ZNF721: variants seen among roughly 807,000 people sequenced by gnomAD.
ZNF721 encodes the protein zinc finger protein 721.
In ZNF721, 2 loss-of-function variants were observed where a neutral mutation model predicts 2.4. The observed-to-expected ratio is 0.82, with a 90% CI of 0.34 to 2.58. The LOEUF (loss-of-function observed/expected upper bound fraction) is 2.58, where lower values mean the gene tolerates loss of function less well. ZNF721 is among the 30% of genes most tolerant of loss of function. The pLI is 0.11. For missense variants in ZNF721, 1,187 were observed against 1,085.5 expected (o/e 1.09, Z -1.31); for synonymous variants, 398 against 381.8 (o/e 1.04, Z -0.50).
intron 2 of ZNF721, among the ~76,000 whole-genome samples, chr4:449,725 C>T (rs1576954517): frequency 1.3e-5 from 2 of 151,984 alleles, no homozygotes; most frequent in South Asian, 4.2e-4. Context: ...ACAAAAATAC[C>T]ACAATTTGAA....
At chr4:449,192 T>C (rs1248317910) in intron 2 of ZNF721, among the ~76,000 whole-genome samples, 3 of 152,142 alleles carry the variant, frequency 2.0e-5, no homozygotes, top group Admixed American at 2.0e-4. Context: ...TTTAAAAATA[T>C]ATGATTGTAA....
intron 2 of ZNF721, among the ~76,000 whole-genome samples, chr4:458,008 G>A (rs1553865591): frequency 6.6e-6 from 1 of 152,174 alleles, no homozygotes; most frequent in African/African-American, 2.4e-5. Flanking sequence ...GCAGCCCTAT[G>A]AATCAGTTCC....
chr4:469,951 G>A (rs1262345720), intron 2 of ZNF721, among the ~76,000 whole-genome samples: 1 of 151,974 alleles, frequency 6.6e-6, no homozygotes, highest in African/African-American at 2.4e-5. Context: ...GCGCCATCTC[G>A]GCTCACTGCA....
chr4:476,967 G>T (rs1172349610), intron 1 of ZNF721, among the ~76,000 whole-genome samples: 1 of 152,102 alleles, frequency 6.6e-6, no homozygotes, highest in African/African-American at 2.4e-5. Flanking sequence ...GTGCCACCTG[G>T]TTCCAATTCT....
Position 460,172 on chromosome 4 carries a change from A to T in ZNF721, c.34+12403T>A, listed in dbSNP as rs538131917. 4.6e-5 allele frequency among the ~76,000 whole-genome samples: 7 copies of T among 152,312 alleles called. No individual in the cohort carries two copies. The East Asian group carries it at 9.6e-4, about 21-fold the overall frequency. Reference sequence around the variant, plus strand: ...CTCGGCACCACATCGCACTTAATCTAAAGTTGACCACATAACTGGAAGTAA... The same window carrying T: ...CTCGGCACCACATCGCACTTAATCTTAAGTTGACCACATAACTGGAAGTAA... On this transcript the variant is annotated intron_variant, in intron 2 of 2. Transcript: ENST00000511833.
chr4:463,312 T>G (rs1715127660), intron 2 of ZNF721, among the ~76,000 whole-genome samples: 1 of 152,046 alleles, frequency 6.6e-6, no homozygotes, highest in Non-Finnish European at 1.5e-5. Context: ...TTGGTGGGAG[T>G]GTAAGTTAGT....
chr4:498,721 A>ATT (rs1576980625), intron 1 of ZNF721, among the ~76,000 whole-genome samples: 2 of 131,782 alleles, frequency 1.5e-5, no homozygotes, highest in Non-Finnish European at 3.4e-5. Context: ...ATTGGGTTGA[A>ATT]TTTTCTTTTT....
intron 2 of ZNF721, chr4:454,179 A>C (rs1454443325): frequency 3.9e-5 from 6 of 152,238 alleles, no homozygotes; most frequent in African/African-American, 1.4e-4. Context: ...GGATATGTGG[A>C]TACTACGGGT....
chr4:456,305 G>A (rs1431378601), intron 2 of ZNF721, among the ~76,000 whole-genome samples: 6 of 152,014 alleles, frequency 3.9e-5, no homozygotes, highest in Admixed American at 3.3e-4. Context: ...CCTGACCTCA[G>A]GTGATCCACC....
At chr4:465,988 G>A (rs941607172) in intron 2 of ZNF721, among the ~76,000 whole-genome samples, 2 of 149,554 alleles carry the variant, frequency 1.3e-5, no homozygotes, top group African/African-American at 2.5e-5. Flanking sequence ...TTTTGTTGTC[G>A]TTTTTCTTTT....
chr4:448,293 A>C (rs902596931), intron 2 of ZNF721, among the ~76,000 whole-genome samples: 1 of 152,010 alleles, frequency 6.6e-6, no homozygotes. Context: ...AAAATTAGCC[A>C]GGCATGGTGG....
chr4:473,941 G>C (rs782141374), intron 1 of ZNF721: 5 of 1,503,152 alleles, frequency 3.3e-6, no homozygotes, highest in Non-Finnish European at 3.6e-6. Context: ...GTTCTGATGA[G>C]GCCTCCCCAG....
chr4:442,601 A>G lies in ZNF721; in HGVS notation c.1866T>C (p.Phe622=), dbSNP rs1360567056. Residue 622 remains phenylalanine, a synonymous_variant, in exon 3 of 3, where the codon TTT becomes TTC. Coordinates refer to ENST00000511833, the MANE Select transcript of ZNF721 (RefSeq NM_133474.4). ...GTTGATTCAGGTCCGTGTACCATAC[A>G]AAGTCTTTGCCACACTCTTCACATT... The part of the protein sequence containing the change: ...LYKCEECGKD[F]VWYTDLNQQK... The G allele has an allele frequency of 7.4e-6, 12 of 1,613,714 alleles. No homozygotes were observed. Among genetic ancestry groups the G allele is most frequent in the Admixed American group, 1.7e-5 (1 of 59,978 alleles).
chr4:494,928 C>T (rs1188972802), intron 1 of ZNF721, among the ~76,000 whole-genome samples: 5 of 144,900 alleles, frequency 3.5e-5, no homozygotes, highest in African/African-American at 1.0e-4. Context: ...GTCTCACTGT[C>T]GCCCAGGCTG....
chr4:485,993 A>C (rs1399446032), intron 1 of ZNF721, among the ~76,000 whole-genome samples: 1 of 151,888 alleles, frequency 6.6e-6, no homozygotes, highest in Non-Finnish European at 1.5e-5. Context: ...TAAATAAATA[A>C]ATAAATAGAT....
intron 1 of ZNF721, among the ~76,000 whole-genome samples, chr4:485,910 G>A (rs1715883921): frequency 6.6e-6 from 1 of 152,138 alleles, no homozygotes; most frequent in Admixed American, 6.6e-5. Flanking sequence ...AGGAGGTAGA[G>A]GTTGCAGTGA....
In ZNF721 at chr4:442,198, C is replaced by CT; in HGVS notation, c.2268dup (p.Glu757ArgfsTer7). 6.2e-7 allele frequency: 1 copy of CT among 1,612,198 alleles called. No individual in the cohort carries two copies. On this transcript the variant is annotated frameshift_variant, in exon 3 of 3. Transcript: ENST00000511833. LOFTEE classifies it low-confidence loss of function (END_TRUNC). The stretch of plus-strand genomic sequence containing the variant: ...GACTGTTTAAACACTTTCCCACATT[C>CT]TTTACATTTGTAGAGTTTATCTCCA...
At chr4:446,544 C>T (rs996668319) in intron 2 of ZNF721, among the ~76,000 whole-genome samples, 4 of 151,896 alleles carry the variant, frequency 2.6e-5, no homozygotes, top group Non-Finnish European at 5.9e-5. Context: ...CCATGCTCTT[C>T]TACTTTTTGT....
chr4:457,509 C>T (rs183242187), intron 2 of ZNF721, among the ~76,000 whole-genome samples: 184 of 152,278 alleles, frequency 1.2e-3, no homozygotes, highest in Non-Finnish European at 1.8e-3. Context: ...GCTACTAGCA[C>T]CATCTGTGAA....
Sources: allele counts gnomAD v4.1 joint callset (sites outside exome capture counted in the v4.1 genomes callset), GRCh38; gene constraint gnomAD v4.1.1; transcripts MANE v1.5; gene names NCBI Gene and HGNC (gene_info 2026-07-23, HGNC 2026-07-21).